Variants in SEMA4D observed in about 807,000 individuals in gnomAD.
The protein encoded by SEMA4D is semaphorin-4D.
SEMA4D carries 22 observed loss-of-function variants against 74.8 expected under a neutral mutation model. The ratio of observed to expected loss-of-function variants is 0.29; its 90% confidence interval spans 0.21 to 0.42. The LOEUF (loss-of-function observed/expected upper bound fraction) is 0.42. Among genes scored for constraint, SEMA4D ranks in the 10% least tolerant of loss-of-function variants. The pLI, the probability that SEMA4D is intolerant of heterozygous loss-of-function variation, is 1.00. For missense variants in SEMA4D, 937 were observed against 1,118.4 expected, an observed-to-expected ratio of 0.84 and a Z score of 2.31; for synonymous variants, 445 against 463.7, an observed-to-expected ratio of 0.96 and a Z score of 0.52.
At chr9:89,372,006 T>G in intron 16 of SEMA4D, among the ~76,000 whole-genome samples, 2 of 89,982 alleles carry the variant, frequency 2.2e-5, no homozygotes, top group African/African-American at 4.8e-5. Flanking sequence ...GTGTCTGGGG[T>G]GTGGTGTGTG....
At chr9:89,452,987 G>A (rs1032421189) in intron 2 of SEMA4D, among the ~76,000 whole-genome samples, 18 of 152,172 alleles carry the variant, frequency 1.2e-4, no homozygotes, top group Non-Finnish European at 2.2e-4. Context: ...AGAGGACCTG[G>A]GACACCCTCC....
chr9:89,376,948 G>A (rs1306948610), downstream of SEMA4D: 28 of 1,550,616 alleles, frequency 1.8e-5, no homozygotes, highest in Non-Finnish European at 2.4e-5. Context: ...CCGCACCCGA[G>A]GCTGGCCAGG....
At chr9:89,468,441 T>A (rs923258805) in intron 1 of SEMA4D, among the ~76,000 whole-genome samples, 7 of 152,208 alleles carry the variant, frequency 4.6e-5, no homozygotes, top group Admixed American at 3.3e-4. Flanking sequence ...AACAGAGCGT[T>A]CAGAAGGACA....
At position 89,387,310 on chromosome 9, in the gene SEMA4D, T is replaced by C. The variant is rs1487184706; in HGVS notation, c.1330+76A>G. 14 of 1,278,634 alleles carry C rather than the reference T, an allele frequency of 1.1e-5. No individual in the cohort carries two copies. The East Asian group carries it at 1.6e-4, about 15-fold the overall frequency. The allele number at this position is 1,278,634 out of a possible 1,614,324, so 79.2% of individuals were successfully genotyped here. On this transcript the variant is annotated intron_variant, in intron 12 of 15. Transcript: ENST00000422704. ...AATGGAACTACTCACGAAAGAATAA[T>C]TGGATTTCCCAGTTTTCCTACCAGA...
downstream of SEMA4D, chr9:89,377,004 A>C (rs1388948535): frequency 6.5e-7 from 1 of 1,545,834 alleles, no homozygotes; most frequent in East Asian, 2.5e-5. Flanking sequence ...TGGCCCAGAC[A>C]GGACAGGGAA....
In SEMA4D at chr9:89,492,743, G is replaced by A. The variant is rs118015460; in HGVS notation, c.-310+5176C>T. The stretch of plus-strand genomic sequence containing the variant: ...TCACAGTCCTGTTGGCTCCGTCTTC[G>A]CAGAACACCTGCAATCAGCCTGCCT... On this transcript the variant is annotated intron_variant, in intron 1 of 15. Coordinates refer to ENST00000422704, the MANE Select transcript of SEMA4D (RefSeq NM_001371194.2). This position sits in a 1 kb window ranked among gnomAD's most constrained non-coding sequence, Gnocchi z 4.3. Among the ~76,000 whole-genome samples the A allele has an allele frequency of 8.0e-3, 1,213 of 152,204 alleles. 5 individuals carry two copies. The highest frequency in any genetic ancestry group is 0.011 in the Non-Finnish European group (734 of 68,014).
rs199920558 is a variant in SEMA4D at position 89,421,359 on chromosome 9, CA to C, written c.-243-15661del. ...CACAATACCATTACACTCTGCTGAGCAGGGCACCCATGAGAAAGGCTGGCTA... is the reference window on the plus strand; with the variant it reads ...CACAATACCATTACACTCTGCTGAGCGGGCACCCATGAGAAAGGCTGGCTA... On this transcript the variant is annotated intron_variant, in intron 2 of 15. Coordinates refer to ENST00000422704, the MANE Select transcript of SEMA4D (RefSeq NM_001371194.2). 7.4e-3 allele frequency among the ~76,000 whole-genome samples: 1,128 copies of C among 152,334 alleles called. 15 individuals carry two copies. Among genetic ancestry groups the C allele is most frequent in the African/African-American group, 0.025 (1,032 of 41,572 alleles).
chr9:89,384,732 G>A (rs1179578965), intron 13 of SEMA4D: 2 of 985,338 alleles, frequency 2.0e-6, no homozygotes, highest in East Asian at 1.1e-4. Flanking sequence ...CACCTCCCCA[G>A]CTGTAGGACA....
At chr9:89,408,266 C>G (rs11790379) in intron 2 of SEMA4D, among the ~76,000 whole-genome samples, 12,396 of 152,316 alleles carry the variant, frequency 0.081, 526 homozygotes, top group South Asian at 0.11. Flanking sequence ...AGTCCTGGCC[C>G]CACAGAACCC....
chr9:89,403,098 C>T, intron 3 of SEMA4D, 82 bp from the exon 4 acceptor site: 2 of 1,499,894 alleles, frequency 1.3e-6, no homozygotes, highest in East Asian at 2.3e-5. Flanking sequence ...CATCCTAGGT[C>T]CCTGTCTCAG....
rs573108711 is a variant in SEMA4D at position 89,362,622 on chromosome 9, A to G, written c.2191-194T>C. On this transcript the variant is annotated intron_variant, in intron 18 of 18. Coordinates refer to the SEMA4D transcript ENST00000339861. ...CCCATATGTGACAGGAAGGCAGAGC[A>G]GCAGCGCATTCACTCCACTCCCAGA... is the stretch of plus-strand genomic sequence containing the variant. Among the ~76,000 whole-genome samples the G allele has an allele frequency of 1.7e-4, 26 of 152,352 alleles. No homozygotes were observed. In the South Asian group the frequency reaches 5.0e-3, roughly 29 times the overall value.
intron 1 of SEMA4D, among the ~76,000 whole-genome samples, chr9:89,476,547 G>A (rs1385167646): frequency 6.6e-6 from 1 of 152,218 alleles, no homozygotes; most frequent in African/African-American, 2.4e-5. Context: ...CCCCCAAGGA[G>A]AAGAGCAGAA....
rs111818272 is a variant in SEMA4D, at chr9:89,484,988, TTGTG to T, written c.-310+12927_-310+12930del. 0.19 allele frequency among the ~76,000 whole-genome samples: 28,222 copies of T among 149,758 alleles called. 2,916 individuals carry two copies. Among genetic ancestry groups the T allele is most frequent in the Middle Eastern group, 0.3 (87 of 290 alleles). The stretch of plus-strand genomic sequence containing the variant: ...GGTGGAGGCATATGTGTGTAGTATG[TTGTG>T]TGTGTGTGTGTGTGTGTGTTCCAGA... On this transcript the variant is annotated intron_variant, in intron 1 of 15. Transcript: ENST00000422704. This position sits in a 1 kb window ranked among gnomAD's most constrained non-coding sequence, Gnocchi z 4.1.
In SEMA4D at chr9:89,362,555, C is replaced by T. The variant is rs933023701; in HGVS notation, c.2191-127G>A. On this transcript the variant is annotated intron_variant, in intron 18 of 18. Coordinates refer to the SEMA4D transcript ENST00000339861. The stretch of plus-strand genomic sequence containing the variant: ...AGGCCTCAGCCCCCTGTTGTGGTTC[C>T]CCTCCTTGGAGTCTAAAGATCCAAA... 1.1e-5 allele frequency: 17 copies of T among 1,541,040 alleles called. No individual in the cohort carries two copies. In the African/African-American group the frequency reaches 1.4e-4, roughly 12 times the overall value.
At chr9:89,465,890 G>A (rs141943546) in intron 1 of SEMA4D, among the ~76,000 whole-genome samples, 1 of 152,364 alleles carries the variant, frequency 6.6e-6, no homozygotes, top group African/African-American at 2.4e-5. Flanking sequence ...AGAAGATGGA[G>A]TCCACAGGTT....
chr9:89,371,431 T>TG (rs1564498428), intron 16 of SEMA4D, among the ~76,000 whole-genome samples: 5 of 79,082 alleles, frequency 6.3e-5, no homozygotes, highest in Admixed American at 1.5e-4. Flanking sequence ...GTCTGGGGTG[T>TG]GTGTGTGGGG....
intron 16 of SEMA4D, among the ~76,000 whole-genome samples, chr9:89,370,737 G>A (rs1438603589): frequency 2.1e-5 from 3 of 145,412 alleles, no homozygotes; most frequent in Non-Finnish European, 3.1e-5. Context: ...GGGGTGTGGT[G>A]TGTGTGTGGG....
intron 2 of SEMA4D, among the ~76,000 whole-genome samples, chr9:89,446,778 G>T (rs540311638): frequency 3.9e-5 from 6 of 152,118 alleles, no homozygotes; most frequent in Admixed American, 6.5e-5. Flanking sequence ...GCACACTGGC[G>T]GGGGAGGACA....
chr9:89,368,526 G>A (rs1483939376), intron 16 of SEMA4D: 1 of 152,498 alleles, frequency 6.6e-6, no homozygotes, highest in Non-Finnish European at 1.5e-5. Flanking sequence ...GTGCAGCTGG[G>A]GGTATGCCCT....
Sources: gnomAD v4.1 joint callset for allele counts (sites outside exome capture counted in the v4.1 genomes callset) on GRCh38, gnomAD v4.1.1 for gene constraint, Gnocchi (gnomAD v3.1) non-coding constraint, MANE v1.5 for transcripts, NCBI Gene and HGNC (gene_info 2026-07-23, HGNC 2026-07-21) for gene names.